RBFOX1: variants seen among roughly 807,000 people sequenced by gnomAD.
RBFOX1 encodes the protein RNA binding protein fox-1 homolog 1.
Under a neutral mutation model 57.7 loss-of-function variants are expected in RBFOX1, and 8 were observed. That is an observed-to-expected ratio of 0.14 (90% confidence interval 0.08 to 0.25). The LOEUF is 0.25. Ranked by LOEUF, RBFOX1 falls within the 10% of genes least tolerant of loss-of-function variation. The pLI is 1.00. For missense variants in RBFOX1, 611 were observed against 548.5 expected, an observed-to-expected ratio of 1.11 and a Z score of -1.14; for synonymous variants, 326 against 222.4, an observed-to-expected ratio of 1.47 and a Z score of -4.15.
Position 6,019,162 on chromosome 16 carries a change from T to A in RBFOX1, c.-957T>A. The A allele has an allele frequency of 2.0e-6, 2 of 985,204 alleles. No individual in the cohort carries two copies. Among genetic ancestry groups the A allele is most frequent in the Non-Finnish European group, 2.4e-6 (2 of 829,952 alleles). 61.0% of individuals were successfully genotyped at this position (985,204 alleles called of 1,614,324 possible). On this transcript the variant is annotated 5_prime_UTR_variant, in exon 1 of 16. Coordinates refer to ENST00000550418, the MANE Select transcript of RBFOX1 (RefSeq NM_018723.4). This position sits in a 1 kb window ranked among gnomAD's most constrained non-coding sequence, Gnocchi z 4.2. ...TCTCCTTTGTTTATTTTCTAATCTA[T>A]ATTTTTACTGGAAGATTTCCTCTTT...
intron 2 of RBFOX1, among the ~76,000 whole-genome samples, chr16:5,547,431 G>A (rs1308442049): frequency 6.6e-6 from 1 of 152,140 alleles, no homozygotes; most frequent in Non-Finnish European, 1.5e-5. Flanking sequence ...GCAGTAAAAA[G>A]GAATGAGCTA....
chr16:5,822,398 C>G (rs990700940), intron 3 of RBFOX1, among the ~76,000 whole-genome samples: 7 of 151,806 alleles, frequency 4.6e-5, no homozygotes, highest in African/African-American at 1.5e-4. Flanking sequence ...ACTCATGTAA[C>G]CAAATACCAC....
At chr16:6,233,200 C>G (rs1022874318) in intron 1 of RBFOX1, among the ~76,000 whole-genome samples, 1 of 152,168 alleles carries the variant, frequency 6.6e-6, no homozygotes. Context: ...TCTGAATTCA[C>G]TTGCCGTCAG....
chr16:6,835,978 A>T (rs1051959647), intron 3 of RBFOX1, among the ~76,000 whole-genome samples: 3 of 152,098 alleles, frequency 2.0e-5, no homozygotes, highest in African/African-American at 7.2e-5. Context: ...CAAAAGTGTC[A>T]TCTGGTCACA....
At chr16:7,215,057 G>A (rs543887796) in intron 4 of RBFOX1, among the ~76,000 whole-genome samples, 2 of 152,094 alleles carry the variant, frequency 1.3e-5, no homozygotes, top group South Asian at 2.1e-4. Flanking sequence ...CCCTCTCCTT[G>A]TCTCCACCCC....
In RBFOX1 at chr16:6,696,046, T is replaced by C. The variant is rs1282284657; in HGVS notation, c.-16+41396T>C. The stretch of plus-strand genomic sequence containing the variant: ...AAACTGGCAAAGACGTTTACCTTGC[T>C]TGAGGCAATTGTTGTATCTAGAAAA... On this transcript the variant is annotated intron_variant, in intron 3 of 15. Transcript: ENST00000550418. Among the ~76,000 whole-genome samples the C allele has an allele frequency of 2.6e-5, 4 of 152,244 alleles. No homozygotes were observed. The East Asian group carries it at 5.8e-4, about 22-fold the overall frequency.
intron 1 of RBFOX1, among the ~76,000 whole-genome samples, chr16:5,372,906 G>C (rs914467971): frequency 2.0e-5 from 3 of 152,250 alleles, no homozygotes; most frequent in Non-Finnish European, 4.4e-5. Flanking sequence ...CATGACTTCA[G>C]CTTCTCTTGG....
chr16:6,871,981 G>A (rs2060990507), intron 3 of RBFOX1, among the ~76,000 whole-genome samples: 1 of 145,296 alleles, frequency 6.9e-6, no homozygotes, highest in Non-Finnish European at 1.5e-5. Flanking sequence ...GTAGAGTATG[G>A]GGATCTCTGA....
intron 4 of RBFOX1, among the ~76,000 whole-genome samples, chr16:7,324,483 A>G (rs2096585519): frequency 6.6e-6 from 1 of 152,208 alleles, no homozygotes. Context: ...GTTTGCCTCA[A>G]GCAAGGTCAA....
chr16:5,419,150 G>A (rs2067241976), intron 1 of RBFOX1, among the ~76,000 whole-genome samples: 1 of 152,134 alleles, frequency 6.6e-6, no homozygotes, highest in Admixed American at 6.6e-5. Flanking sequence ...GATGGTCTCT[G>A]TATTAGGGTT....
chr16:6,266,724 A>G (rs188273629), intron 1 of RBFOX1, among the ~76,000 whole-genome samples: 61 of 151,820 alleles, frequency 4.0e-4, no homozygotes, highest in East Asian at 1.9e-4. Context: ...AAAAAAAAAA[A>G]AAGAAGAAGA....
intron 4 of RBFOX1, among the ~76,000 whole-genome samples, chr16:7,476,165 GT>G (rs2062660954): frequency 6.6e-6 from 1 of 152,012 alleles, no homozygotes; most frequent in Non-Finnish European, 1.5e-5. Context: ...TAGAGATGCT[GT>G]TTTGCCATGT....
At chr16:7,704,082 TGAG>T (rs1319305559) in intron 14 of RBFOX1, among the ~76,000 whole-genome samples, 1 of 152,126 alleles carries the variant, frequency 6.6e-6, no homozygotes, top group Admixed American at 6.5e-5. Context: ...GCTTTACAAA[TGAG>T]GAAGATGAGG....
At chr16:6,703,875 G>T (rs1205875376) in intron 3 of RBFOX1, 1 of 152,120 alleles carries the variant, frequency 6.6e-6, no homozygotes, top group Non-Finnish European at 1.5e-5. Context: ...AACTTACTCT[G>T]TTACACCTGA....
chr16:6,901,606 A>G (rs908055451), intron 3 of RBFOX1, among the ~76,000 whole-genome samples: 1 of 152,328 alleles, frequency 6.6e-6, no homozygotes, highest in East Asian at 1.9e-4. Context: ...CTGAGGGGGA[A>G]AAATAGACAT....
intron 3 of RBFOX1, chr16:6,774,093 C>T: frequency 2.5e-6 from 2 of 791,624 alleles, no homozygotes; most frequent in South Asian, 5.7e-5. Context: ...TTTAAATTAC[C>T]AAGAATTGGA....
chr16:7,710,407 G>A (rs1228243100), intron 15 of RBFOX1: 2 of 1,391,966 alleles, frequency 1.4e-6, no homozygotes, highest in Non-Finnish European at 9.2e-7. Flanking sequence ...CTGGCTGACA[G>A]AATTTGGTTT....
intron 2 of RBFOX1, among the ~76,000 whole-genome samples, chr16:6,506,372 A>G (rs955743045): frequency 2.0e-5 from 3 of 152,080 alleles, no homozygotes; most frequent in Non-Finnish European, 4.4e-5. Flanking sequence ...GCAGTATTGA[A>G]AACAGCTTGG....
chr16:6,913,214 G>C (rs972819681), intron 3 of RBFOX1, among the ~76,000 whole-genome samples: 13 of 152,246 alleles, frequency 8.5e-5, no homozygotes, highest in African/African-American at 3.1e-4. Context: ...TGCAAAAACA[G>C]GGTATCGGAA....
Sources: allele counts gnomAD v4.1 joint callset (sites outside exome capture counted in the v4.1 genomes callset), GRCh38; gene constraint gnomAD v4.1.1; non-coding constraint Gnocchi (gnomAD v3.1); transcripts MANE v1.5; gene names NCBI Gene and HGNC (gene_info 2026-07-23, HGNC 2026-07-21).